Variants in EIF5 observed in about 807,000 individuals in gnomAD.
EIF5 encodes eukaryotic translation initiation factor 5.
EIF5 carries 10 observed loss-of-function variants against 48.3 expected under a neutral mutation model. The ratio of observed to expected loss-of-function variants is 0.21; its 90% confidence interval spans 0.13 to 0.35. The LOEUF (loss-of-function observed/expected upper bound fraction) is 0.35. EIF5 is among the 10% of genes least tolerant of loss of function. EIF5 has a pLI of 1.00. For synonymous variants in EIF5, 237 were observed against 173.1 expected (o/e 1.37, Z -2.90); for missense variants, 397 against 533.2 (o/e 0.74, Z 2.51).
At chr14:103,340,226 C>T (rs993933183) in intron 10 of EIF5, among the ~76,000 whole-genome samples, 2 of 152,146 alleles carry the variant, frequency 1.3e-5, no homozygotes, top group Non-Finnish European at 2.9e-5. Flanking sequence ...AGTGCCTGTG[C>T]TGTAGATTGT....
rs779467179 is a variant in EIF5 at position 103,336,022 on chromosome 14, C to T, written c.73-14C>T. 1.2e-6 allele frequency: 2 copies of T among 1,614,072 alleles called. No individual in the cohort carries two copies. The highest frequency in any genetic ancestry group is 1.7e-6 in the Non-Finnish European group (2 of 1,179,988). ...CAGGGGAAACTGCACAACTAAAATT[C>T]TTATTTCCTTTAGGTTGAGGGCAAA... is the stretch of plus-strand genomic sequence containing the variant. On this transcript the variant is annotated splice_polypyrimidine_tract_variant and intron_variant, in intron 3 of 11. Transcript: ENST00000216554.
intron 6 of EIF5, chr14:103,337,618 C>CT (rs2089302863): frequency 6.3e-6 from 2 of 319,530 alleles, no homozygotes; most frequent in African/African-American, 4.4e-5. Flanking sequence ...TATAAGGAAC[C>CT]TTTTAGTCCT....
chr14:103,334,946 G>T (rs891071951), intron 2 of EIF5: 1 of 152,090 alleles, frequency 6.6e-6, no homozygotes, highest in Non-Finnish European at 1.5e-5. Context: ...CGGGGGACGC[G>T]CTGGGGATGG....
rs2089282317 is a variant in EIF5 at position 103,336,131 on chromosome 14, GGAAAA to G, written c.154+16_154+20del. On this transcript the variant is annotated intron_variant, in intron 4 of 11. Transcript: ENST00000216554. ...GGCCTCCAACGTGTAAGTAAAGCTT[GGAAAA>G]GTCCACAGGGCATATTATGGATAGA... 1 of 1,613,166 alleles carries G rather than the reference GGAAAA, an allele frequency of 6.2e-7. No individual in the cohort carries two copies. Among genetic ancestry groups the G allele is most frequent in the Admixed American group, 1.7e-5 (1 of 59,942 alleles).
In EIF5 at chr14:103,338,462, C is replaced by T; in HGVS notation, c.575C>T (p.Pro192Leu). ...CCACCAAATGAAATTAATCCTCCTC[C>T]ACATACAATGGTGAGTGCAGGGTTG... ...PPPPNEINPP[P>L]HTMEEEEDDD... Residue 192 changes from proline (P) to leucine (L), a missense_variant, in exon 7 of 12, where the codon CCA becomes CTA. This residue lies in a region of EIF5 where 126 missense variants were observed against 141.9 expected (regional missense o/e 0.89). Transcript: ENST00000216554. 1.9e-6 allele frequency: 3 copies of T among 1,570,184 alleles called. No homozygotes were observed. Among genetic ancestry groups the T allele is most frequent in the South Asian group, 1.1e-5 (1 of 87,126 alleles).
chr14:103,340,781 A>G (rs1447622392), intron 11 of EIF5, among the ~76,000 whole-genome samples, 182 bp from the exon 12 acceptor site: 1 of 152,236 alleles, frequency 6.6e-6, no homozygotes, highest in Non-Finnish European at 1.5e-5. Flanking sequence ...AAAAAACTTT[A>G]AAAATGCTCT....
Position 103,336,836 on chromosome 14 carries a change from C to T in EIF5, c.314C>T (p.Pro105Leu). ...GTTCTCTGTCCTGAATGTGAGAATC[C>T]TGAAACAGATTTGGTAAGTGCTTTT... ...KFVLCPECEN[P>L]ETDLHVNPKK... Residue 105 changes from proline (P) to leucine (L), a missense_variant, in exon 5 of 12, where the codon CCT becomes CTT. By Grantham distance (98) the Pro-to-Leu change is moderately conservative (BLOSUM62 -3). Transcript: ENST00000216554. The T allele has an allele frequency of 6.2e-7, 1 of 1,612,718 alleles. No individual in the cohort carries two copies. Among genetic ancestry groups the T allele is most frequent in the Admixed American group, 1.7e-5 (1 of 59,718 alleles).
In EIF5 at chr14:103,336,077, C is replaced by T. The variant is rs756414114; in HGVS notation, c.114C>T (p.Asn38=). 3 of 1,614,060 alleles carry T rather than the reference C, an allele frequency of 1.9e-6. No individual in the cohort carries two copies. The African/African-American group carries it at 4.0e-5, about 22-fold the overall frequency. ...KGNGIKTVIV[N]MVDVAKALNR... is the part of the protein sequence containing the mutation. ...ATGGAATCAAGACAGTTATAGTCAA[C>T]ATGGTTGACGTTGCAAAGGCGCTTA... The change falls in exon 4 of 12, where the codon AAC becomes AAT. Residue 38 remains asparagine (N), a synonymous_variant. Transcript: ENST00000216554.
intron 6 of EIF5, chr14:103,338,110 T>A (rs2089310650): frequency 1.4e-6 from 1 of 699,204 alleles, no homozygotes; most frequent in African/African-American, 1.8e-5. Context: ...ACAATACCCC[T>A]AATATTTTGT....
intron 10 of EIF5, 162 bp from the exon 11 acceptor site, chr14:103,340,265 T>C: frequency 1.4e-6 from 1 of 731,776 alleles, no homozygotes; most frequent in Non-Finnish European, 2.3e-6. Context: ...TTTGTAGTCA[T>C]AACAGACTGC....
At chr14:103,338,283 T>G in intron 6 of EIF5, 44 bp from the exon 7 acceptor site, 1 of 1,597,188 alleles carries the variant, frequency 6.3e-7, no homozygotes, top group Non-Finnish European at 8.5e-7. Context: ...AATGAGGTAA[T>G]GTAAGTTATG....
intron 10 of EIF5, among the ~76,000 whole-genome samples, 175 bp from the exon 11 acceptor site, chr14:103,340,252 A>G (rs572328988): frequency 1.3e-5 from 2 of 152,360 alleles, no homozygotes; most frequent in South Asian, 2.1e-4. Context: ...GCATCATGTC[A>G]GATTTGTAGT....
At chr14:103,337,991 A>G (rs1423144953) in intron 6 of EIF5, 1 of 550,024 alleles carries the variant, frequency 1.8e-6, no homozygotes, top group African/African-American at 1.9e-5. Context: ...CCTGTTGGCT[A>G]AAGCTGGGTT....
At chr14:103,337,810 T>C in intron 6 of EIF5, 1 of 487,424 alleles carries the variant, frequency 2.1e-6, no homozygotes, top group Non-Finnish European at 4.0e-6. Flanking sequence ...CTGGCATTGT[T>C]TGGTAAAGAG....
rs774865271 is a variant in EIF5 at position 103,338,352 on chromosome 14, GAAAGAA to G, written c.474_479del (p.Glu159_Lys160del). On this transcript the variant is annotated inframe_deletion, in exon 7 of 12. Transcript: ENST00000216554. Reference sequence around the variant, plus strand: ...AGAATAGTGACAGTGGTACAGGAAAGAAAGAAAAAGAAAAGAAAAACAGAAAGGGCA... The same window carrying G: ...AGAATAGTGACAGTGGTACAGGAAAGAAAGAAAAGAAAAACAGAAAGGGCA... The G allele has an allele frequency of 4.3e-6, 7 of 1,613,798 alleles. No homozygotes were observed. The highest frequency in any genetic ancestry group is 5.9e-6 in the Non-Finnish European group (7 of 1,179,928).
In EIF5 at chr14:103,336,371, A is replaced by G. The variant is rs183004228; in HGVS notation, c.154+254A>G. On this transcript the variant is annotated intron_variant, in intron 4 of 11. Coordinates refer to ENST00000216554, the MANE Select transcript of EIF5 (RefSeq NM_001969.5). ...GCTGAGGCAAGCGGATCGCGAGGTCAGGAGTTCTAGACCAGCCTAGCCAAC... is the reference window on the plus strand; with the variant it reads ...GCTGAGGCAAGCGGATCGCGAGGTCGGGAGTTCTAGACCAGCCTAGCCAAC... 140 of 579,666 alleles carry G rather than the reference A, an allele frequency of 2.4e-4. 1 individual carries two copies. The African/African-American group carries it at 2.4e-3, about 10-fold the overall frequency. The allele number at this position is 579,666 out of a possible 1,614,324, so 35.9% of individuals were successfully genotyped here. A position where few individuals can be genotyped will look rare whatever the true frequency, so the allele number is the denominator to read the frequency against.
chr14:103,340,372 TAATC>T (rs1421695343), intron 10 of EIF5, 51 bp from the exon 11 acceptor site: 1 of 1,572,262 alleles, frequency 6.4e-7, no homozygotes, highest in African/African-American at 1.4e-5. Context: ...ATTGTATAAA[TAATC>T]AAAAGTTGTT....
intron 2 of EIF5, chr14:103,334,859 G>A (rs905344463): frequency 6.6e-6 from 1 of 152,106 alleles, no homozygotes; most frequent in East Asian, 1.9e-4. Context: ...GCGCTCTGGG[G>A]CGGGGGCGGC....
In EIF5 at chr14:103,344,826, ATG is replaced by A. The variant is rs1479025700; in HGVS notation, c.*3776_*3777del. The A allele has an allele frequency of 6.6e-5, 10 of 152,348 alleles. No individual in the cohort carries two copies. Among genetic ancestry groups the A allele is most frequent in the East Asian group, 1.9e-4 (1 of 5,190 alleles). 9.4% of individuals were successfully genotyped at this position (152,348 alleles called of 1,614,324 possible). On this transcript the variant is annotated 3_prime_UTR_variant, in exon 12 of 12. Transcript: ENST00000216554. ...ATCCAAATGAAAGTAAATGGAATAAATGTATCAGGTAAAGGACAAGTTGTAAG... is the reference window on the plus strand; with the variant it reads ...ATCCAAATGAAAGTAAATGGAATAAATATCAGGTAAAGGACAAGTTGTAAG...
Sources: gnomAD v4.1 joint callset for allele counts (sites outside exome capture counted in the v4.1 genomes callset) on GRCh38, gnomAD v4.1.1 for gene constraint, gnomAD v4.1.1 regional missense constraint, MANE v1.5 for transcripts, NCBI Gene and HGNC (gene_info 2026-07-23, HGNC 2026-07-21) for gene names.